The following ITFG2 variants were observed in gnomAD, a reference collection of about 807,000 sequenced individuals.
ITFG2 encodes integrin alpha FG-GAP repeat containing 2, also known as KICSTOR complex protein ITFG2.
ITFG2 carries 36 observed loss-of-function variants against 54.4 expected under a neutral mutation model. That is an observed-to-expected ratio of 0.66 (90% CI 0.51 to 0.87). The LOEUF is 0.87. ITFG2 is among the 40% of genes least tolerant of loss of function. The pLI is 0.00. For missense variants in ITFG2, 524 were observed against 576.7 expected (o/e 0.91, Z 0.94); for synonymous variants, 211 against 225.4 (o/e 0.94, Z 0.57).
At chr12:2,838,527 A>G (rs2153926904) in intron 1 of ITFG2, among the ~76,000 whole-genome samples, 1 of 152,146 alleles carries the variant, frequency 6.6e-6, no homozygotes, top group East Asian at 1.9e-4. Flanking sequence ...TGGAGTTTGG[A>G]GTGGGTTTGG....
chr12:2,815,475 C>G (rs865820630), intron 1 of ITFG2, among the ~76,000 whole-genome samples: 1 of 152,266 alleles, frequency 6.6e-6, no homozygotes, highest in Non-Finnish European at 1.5e-5. Context: ...GGAGCAGCCC[C>G]TTCAGGCTCT....
At chr12:2,852,368 T>G (rs2098073778) in intron 2 of ITFG2, among the ~76,000 whole-genome samples, 1 of 151,012 alleles carries the variant, frequency 6.6e-6, no homozygotes, top group South Asian at 2.1e-4. Flanking sequence ...CTGTGGGAAC[T>G]GTTTTTTTTT....
chr12:2,834,846 A>T, upstream of ITFG2: 1 of 1,613,262 alleles, frequency 6.2e-7, no homozygotes, highest in Non-Finnish European at 8.5e-7. Context: ...CCCCTGCTGG[A>T]GGAGTGGGCC....
At chr12:2,856,429 A>G (rs565338296) in intron 2 of ITFG2, among the ~76,000 whole-genome samples, 1 of 152,252 alleles carries the variant, frequency 6.6e-6, no homozygotes, top group South Asian at 2.1e-4. Flanking sequence ...GCAATGGTGC[A>G]ATCTCGGCTC....
At chr12:2,849,405 C>G in intron 2 of ITFG2, 2 of 1,536,188 alleles carry the variant, frequency 1.3e-6, no homozygotes, top group Non-Finnish European at 1.7e-6. Context: ...GCACCTTCTC[C>G]TGGTAGTGAG....
rs768090911 is a variant in ITFG2, at chr12:2,820,220, G to A, written c.541G>A (p.Gly181Ser). 3.1e-6 allele frequency: 5 copies of A among 1,598,286 alleles called. No homozygotes were observed. In the Admixed American group the frequency reaches 8.7e-5, roughly 28 times the overall value. The change falls in exon 5 of 12, where the codon GGT becomes AGT. Residue 181 changes from glycine (G) to serine (S), a missense_variant. By Grantham distance (56) the Gly-to-Ser change is moderately conservative (BLOSUM62 0). Transcript: ENST00000228799. Reference protein sequence around the residue: ...LVSLKKWMLEGQVDSLSVTLG... With the variant: ...LVSLKKWMLESQVDSLSVTLG... ...GTCCCTCAAGAAATGGATGCTGGAGGGTCAGGTAAGAAGCTGACTCTGGGG... is the reference window on the plus strand; with the variant it reads ...GTCCCTCAAGAAATGGATGCTGGAGAGTCAGGTAAGAAGCTGACTCTGGGG...
At chr12:2,818,941 C>A (rs550881135) in intron 4 of ITFG2, among the ~76,000 whole-genome samples, 20 of 152,040 alleles carry the variant, frequency 1.3e-4, no homozygotes, top group African/African-American at 4.8e-4. Context: ...TCGCTTGAAC[C>A]CGGGAGACGG....
chr12:2,826,177 C>G (rs1435185534), downstream of ITFG2: 1 of 151,550 alleles, frequency 6.6e-6, no homozygotes, highest in African/African-American at 2.4e-5. Flanking sequence ...TCAAAAAAGC[C>G]TCTGTCTCCT....
intron 2 of ITFG2, among the ~76,000 whole-genome samples, chr12:2,842,637 CAGG>C (rs1335162191): frequency 1.3e-5 from 2 of 152,030 alleles, no homozygotes; most frequent in Non-Finnish European, 2.9e-5. Context: ...GAGGCTGAGG[CAGG>C]AGAATTGCTT....
chr12:2,842,260 T>TACAG (rs1482008997), intron 2 of ITFG2, among the ~76,000 whole-genome samples: 1 of 151,096 alleles, frequency 6.6e-6, no homozygotes, highest in Non-Finnish European at 1.5e-5. Context: ...TAGCTGGGAC[T>TACAG]ACAGGCATGT....
At position 2,812,863 on chromosome 12, in the gene ITFG2, G is replaced by C; in HGVS notation, c.96+7G>C. The C allele has an allele frequency of 6.2e-7, 1 of 1,603,334 alleles. No individual in the cohort carries two copies. Among genetic ancestry groups the C allele is most frequent in the Non-Finnish European group, 8.5e-7 (1 of 1,172,356 alleles). ...AGACGTTGATAACGATACGGTAGGTGCATGCGCACCGCAAGAGACAGCCTG... is the reference window on the plus strand; with the variant it reads ...AGACGTTGATAACGATACGGTAGGTCCATGCGCACCGCAAGAGACAGCCTG... On this transcript the variant is annotated splice_region_variant and intron_variant, in intron 1 of 11. Coordinates refer to ENST00000228799, the MANE Select transcript of ITFG2 (RefSeq NM_018463.4).
Position 2,822,819 on chromosome 12 carries a change from C to A in ITFG2, c.974C>A (p.Ala325Glu), listed in dbSNP as rs1565417033. 6.2e-7 allele frequency: 1 copy of A among 1,614,162 alleles called. No homozygotes were observed. Among genetic ancestry groups the A allele is most frequent in the African/African-American group, 1.3e-5 (1 of 75,044 alleles). ...GGCAACGGGCATGAGGAGGTAGTTG[C>A]ATGCGCCTGGGATGGACAGACATAT... Reference protein sequence around the residue: ...VTGNGHEEVVACAWDGQTYII... With the variant: ...VTGNGHEEVVECAWDGQTYII... Residue 325 changes from alanine (A) to glutamate (E), a missense_variant, in exon 10 of 12, where the codon GCA (alanine) becomes GAA (glutamate). Coordinates refer to ENST00000228799, the MANE Select transcript of ITFG2 (RefSeq NM_018463.4).
At chr12:2,859,368 C>T in intron 3 of ITFG2, 1 of 1,613,964 alleles carries the variant, frequency 6.2e-7, no homozygotes, top group Non-Finnish European at 8.5e-7. Context: ...GGTTGGGGAC[C>T]TAAGCCCACT....
intron 9 of ITFG2, among the ~76,000 whole-genome samples, chr12:2,822,295 A>G (rs2097948068): frequency 6.6e-6 from 1 of 152,152 alleles, no homozygotes; most frequent in African/African-American, 2.4e-5. Context: ...AATTAATGCT[A>G]TACTGTGCTG....
chr12:2,836,867 G>A (rs1347539758), exon 1 of ITFG2: 1 of 152,270 alleles, frequency 6.6e-6, no homozygotes, highest in Non-Finnish European at 1.5e-5. Flanking sequence ...AGAAGCCAGG[G>A]GAGAGGCGTG....
chr12:2,834,581 G>T, upstream of ITFG2: 1 of 1,521,580 alleles, frequency 6.6e-7, no homozygotes. Flanking sequence ...CTCCTGCTCA[G>T]GATCTGGGAA....
chr12:2,843,579 G>A (rs557808396), intron 2 of ITFG2, among the ~76,000 whole-genome samples: 124 of 151,950 alleles, frequency 8.2e-4, no homozygotes, highest in African/African-American at 2.8e-3. Flanking sequence ...TAAGGATGCC[G>A]AGGTGGGTGG....
In ITFG2 at chr12:2,838,214, GAC is replaced by G. The variant is rs553753549; in HGVS notation, n.146+1264_146+1265del. On this transcript the variant is annotated intron_variant and non_coding_transcript_variant, in intron 1 of 3. Transcript: ENST00000537710. Reference sequence around the variant, plus strand: ...ATCTATAATTGATAGATTATTGAGTGACACACAGCGTGATGCTGGGCAGGCCC... The same window carrying G: ...ATCTATAATTGATAGATTATTGAGTGACACAGCGTGATGCTGGGCAGGCCC... 3.0e-3 allele frequency among the ~76,000 whole-genome samples: 455 copies of G among 152,300 alleles called. 1 individual carries two copies. Among genetic ancestry groups the G allele is most frequent in the Non-Finnish European group, 5.4e-3 (369 of 68,034 alleles).
At position 2,845,438 on chromosome 12, in the gene ITFG2, A is replaced by G. The variant is rs1272979476; in HGVS notation, n.300+4443A>G. Among the ~76,000 whole-genome samples the G allele has an allele frequency of 6.6e-6, 1 of 152,158 alleles. No homozygotes were observed. The highest frequency in any genetic ancestry group is 1.5e-5 in the Non-Finnish European group (1 of 68,024). ...GCTTCCCGACTCCCTGGCCCCAGCC[A>G]TTCCTCAAGCTCCCAGCAGCTCAGG... On this transcript the variant is annotated intron_variant and non_coding_transcript_variant, in intron 2 of 3. Transcript: ENST00000537710. This position sits in a 1 kb window ranked among gnomAD's most constrained non-coding sequence, Gnocchi z 4.2.
Sources: allele counts gnomAD v4.1 joint callset (sites outside exome capture counted in the v4.1 genomes callset), GRCh38; gene constraint gnomAD v4.1.1; non-coding constraint Gnocchi (gnomAD v3.1); transcripts MANE v1.5; gene names NCBI Gene and HGNC (gene_info 2026-07-23, HGNC 2026-07-21).